The following MAML2 variants were observed in gnomAD, a reference collection of about 807,000 sequenced individuals.
The protein encoded by MAML2 is mastermind-like protein 2.
In MAML2, 22 loss-of-function variants were observed where a neutral mutation model predicts 96.1. The observed-to-expected ratio is 0.23, with a 90% CI of 0.16 to 0.33. MAML2 has a LOEUF of 0.33. Ranked by LOEUF, MAML2 falls within the 10% of genes least tolerant of loss-of-function variation. MAML2 has a pLI of 1.00. For missense variants in MAML2, 1,367 were observed against 1,392.4 expected (o/e 0.98, Z 0.29); for synonymous variants, 561 against 521.3 (o/e 1.08, Z -1.04).
chr11:96,209,496 A>G (rs1861938147), intron 1 of MAML2, among the ~76,000 whole-genome samples: 1 of 152,010 alleles, frequency 6.6e-6, no homozygotes, highest in African/African-American at 2.4e-5. Context: ...AATCGCTTGA[A>G]CCTGGGAGAC....
chr11:95,990,630 C>T (rs1220907034), intron 3 of MAML2, among the ~76,000 whole-genome samples: 1 of 152,104 alleles, frequency 6.6e-6, no homozygotes, highest in East Asian at 1.9e-4. Context: ...GAGGATTTGC[C>T]TTGTTTATGG....
chr11:96,156,979 C>G (rs1165413507), intron 1 of MAML2, among the ~76,000 whole-genome samples: 2 of 152,198 alleles, frequency 1.3e-5, no homozygotes, highest in African/African-American at 4.8e-5. Context: ...AGTCCCCAGC[C>G]ATGTCTCATT....
chr11:96,052,377 G>A (rs1047841772), intron 2 of MAML2, among the ~76,000 whole-genome samples: 3 of 151,972 alleles, frequency 2.0e-5, no homozygotes, highest in Admixed American at 6.6e-5. Flanking sequence ...CCCAGAAAGG[G>A]GACTGTTTTG....
At chr11:96,304,196 C>T (rs1241125508) in intron 1 of MAML2, among the ~76,000 whole-genome samples, 1 of 152,154 alleles carries the variant, frequency 6.6e-6, no homozygotes, top group Admixed American at 6.5e-5. Context: ...GGAGGGGACA[C>T]TGATTCTACT....
chr11:96,196,154 T>G (rs1310706168), intron 1 of MAML2, among the ~76,000 whole-genome samples: 1 of 152,240 alleles, frequency 6.6e-6, no homozygotes, highest in Admixed American at 6.5e-5. Context: ...CTATTGTTAA[T>G]TAATGTTTTC....
At chr11:96,322,565 G>A (rs1239491878) in intron 1 of MAML2, among the ~76,000 whole-genome samples, 2 of 151,882 alleles carry the variant, frequency 1.3e-5, no homozygotes, top group East Asian at 1.9e-4. Flanking sequence ...AGTGGCGGGC[G>A]CCTGTATTCC....
chr11:96,189,742 T>C (rs1455085700), intron 1 of MAML2, among the ~76,000 whole-genome samples: 1 of 152,248 alleles, frequency 6.6e-6, no homozygotes, highest in African/African-American at 2.4e-5. Flanking sequence ...GTGTCCTTGC[T>C]GAAATATTCA....
At chr11:96,057,729 C>T (rs1385080190) in intron 2 of MAML2, among the ~76,000 whole-genome samples, 1 of 152,176 alleles carries the variant, frequency 6.6e-6, no homozygotes, top group Non-Finnish European at 1.5e-5. Flanking sequence ...ACTCTGTAGA[C>T]CACTGAAACC....
intron 2 of MAML2, among the ~76,000 whole-genome samples, chr11:96,083,369 ACT>A (rs1191915531): frequency 5.3e-5 from 8 of 152,024 alleles, no homozygotes; most frequent in African/African-American, 1.9e-4. Flanking sequence ...CCTCAGTGAA[ACT>A]CTCTTACTTT....
chr11:96,285,183 CTACTCA>C (rs1250826845), intron 1 of MAML2, among the ~76,000 whole-genome samples: 2 of 152,256 alleles, frequency 1.3e-5, no homozygotes, highest in East Asian at 3.9e-4. Flanking sequence ...GAAACCACGT[CTACTCA>C]TATTTCTACT....
At chr11:96,007,165 G>GTGATTTTT (rs1858194976) in intron 2 of MAML2, among the ~76,000 whole-genome samples, 1 of 140,362 alleles carries the variant, frequency 7.1e-6, no homozygotes. Flanking sequence ...ACCATGTCCA[G>GTGATTTTT]TTAATTTTTT....
intron 1 of MAML2, among the ~76,000 whole-genome samples, chr11:96,121,779 G>GTTTTTTTTTTTTTTTTTTTTTTTTT (rs1405872923): frequency 7.4e-5 from 3 of 40,814 alleles, no homozygotes; most frequent in Admixed American, 2.7e-4. Context: ...CCAACTGCGT[G>GTTTTTTTTTTTTTTTTTTTTTTTTT]ATTTTTTTTT....
At chr11:96,266,481 G>A (rs555750688) in intron 1 of MAML2, among the ~76,000 whole-genome samples, 1 of 151,912 alleles carries the variant, frequency 6.6e-6, no homozygotes, top group Admixed American at 6.6e-5. Flanking sequence ...TGAGGCAGGA[G>A]AATGACATGA....
intron 2 of MAML2, among the ~76,000 whole-genome samples, chr11:96,022,525 G>T (rs1406599877): frequency 6.6e-6 from 1 of 152,154 alleles, no homozygotes; most frequent in Non-Finnish European, 1.5e-5. Flanking sequence ...GGTCACTGGG[G>T]CCCATAAGCA....
At chr11:96,017,785 G>C (rs1270022779) in intron 2 of MAML2, among the ~76,000 whole-genome samples, 1 of 152,134 alleles carries the variant, frequency 6.6e-6, no homozygotes, top group Non-Finnish European at 1.5e-5. Context: ...TAGCAAGCAG[G>C]CCACTGTGCT....
chr11:96,019,926 T>C (rs1308913745), intron 2 of MAML2, among the ~76,000 whole-genome samples: 1 of 152,206 alleles, frequency 6.6e-6, no homozygotes, highest in East Asian at 1.9e-4. Flanking sequence ...GACTCAAAGT[T>C]CAAACTTTGG....
intron 2 of MAML2, among the ~76,000 whole-genome samples, chr11:96,025,401 G>T (rs1426103765): frequency 3.9e-5 from 6 of 152,110 alleles, no homozygotes; most frequent in African/African-American, 1.4e-4. Context: ...ACTACTGGGG[G>T]AGGGGGGAGG....
At chr11:96,252,425 CTTT>C (rs35604635) in intron 1 of MAML2, among the ~76,000 whole-genome samples, 13 of 122,564 alleles carry the variant, frequency 1.1e-4, no homozygotes, top group Non-Finnish European at 1.2e-4. Context: ...TTGACTAACT[CTTT>C]TTTTTTTTTT....
intron 1 of MAML2, 25 bp from the exon 2 acceptor site, chr11:96,093,542 G>T: frequency 6.9e-7 from 1 of 1,449,730 alleles, no homozygotes; most frequent in East Asian, 2.3e-5. Context: ...GGAATAAAAA[G>T]GAAAAATAAG....
Sources: allele counts gnomAD v4.1 joint callset (sites outside exome capture counted in the v4.1 genomes callset), GRCh38; gene constraint gnomAD v4.1.1; transcripts MANE v1.5; gene names NCBI Gene and HGNC (gene_info 2026-07-23, HGNC 2026-07-21).